The following HIPK2 variants were observed in gnomAD, a reference collection of about 807,000 sequenced individuals.
HIPK2 encodes homeodomain-interacting protein kinase 2.
Under a neutral mutation model 113.7 loss-of-function variants are expected in HIPK2, and 27 were observed. The observed-to-expected ratio is 0.24, with a 90% CI of 0.17 to 0.33. The LOEUF is 0.33. Among genes scored for constraint, HIPK2 ranks in the 10% least tolerant of loss-of-function variants. HIPK2 has a pLI of 1.00. For missense variants in HIPK2, 1,257 were observed against 1,588.0 expected (o/e 0.79, Z 3.54); for synonymous variants, 631 against 642.2 (o/e 0.98, Z 0.26).
chr7:139,574,347 G>A (rs1260172820), intron 14 of HIPK2, among the ~76,000 whole-genome samples: 1 of 152,082 alleles, frequency 6.6e-6, no homozygotes, highest in African/African-American at 2.4e-5. Context: ...CTGCACTTGA[G>A]CCTGGGTGAC....
chr7:139,709,114 T>C (rs561362897), intron 2 of HIPK2, among the ~76,000 whole-genome samples: 65 of 152,280 alleles, frequency 4.3e-4, no homozygotes, highest in African/African-American at 1.2e-3. Context: ...ACAGCCTACA[T>C]AACTTATTGA....
At chr7:139,587,470 C>A (rs935279333) in intron 12 of HIPK2, among the ~76,000 whole-genome samples, 2 of 115,582 alleles carry the variant, frequency 1.7e-5, no homozygotes, top group Non-Finnish European at 3.2e-5. Context: ...GCCTGGGCGA[C>A]AGAGCAAGAC....
At chr7:139,696,435 T>G (rs1794569777) in intron 2 of HIPK2, among the ~76,000 whole-genome samples, 1 of 151,610 alleles carries the variant, frequency 6.6e-6, no homozygotes, top group African/African-American at 2.4e-5. Flanking sequence ...TTTTAAAAAC[T>G]AGAAAGGCAC....
At chr7:139,657,532 T>C (rs1246273855) in intron 2 of HIPK2, among the ~76,000 whole-genome samples, 1 of 152,226 alleles carries the variant, frequency 6.6e-6, no homozygotes, top group Non-Finnish European at 1.5e-5. Flanking sequence ...AAATGATTCT[T>C]GGCCATCATC....
chr7:139,616,826 C>T (rs946468176), intron 7 of HIPK2, among the ~76,000 whole-genome samples: 7 of 152,322 alleles, frequency 4.6e-5, no homozygotes, highest in Non-Finnish European at 7.4e-5. Context: ...TCCTTCCTCT[C>T]GATTCTGTAA....
intron 8 of HIPK2, 34 bp downstream of exon 8, chr7:139,614,252 A>C: frequency 7.2e-7 from 1 of 1,389,830 alleles, no homozygotes; most frequent in South Asian, 1.8e-5. Flanking sequence ...GTTCTGTAAG[A>C]AGCAGGTGAG....
intron 1 of HIPK2, among the ~76,000 whole-genome samples, chr7:139,728,443 T>C (rs557471037): frequency 7.9e-5 from 12 of 152,264 alleles, no homozygotes; most frequent in African/African-American, 2.9e-4. Flanking sequence ...GAAGGGTCTG[T>C]TCTAGGCCTC....
At chr7:139,588,113 T>C (rs1417656628) in intron 12 of HIPK2, among the ~76,000 whole-genome samples, 1 of 150,974 alleles carries the variant, frequency 6.6e-6, no homozygotes, top group Non-Finnish European at 1.5e-5. Context: ...AGGTCAGGAG[T>C]TCGACACCAG....
intron 1 of HIPK2, among the ~76,000 whole-genome samples, chr7:139,769,116 TG>T (rs1350092438): frequency 6.6e-6 from 1 of 152,212 alleles, no homozygotes; most frequent in African/African-American, 2.4e-5. Flanking sequence ...CCTAGATCAC[TG>T]CCATAAGGTG....
chr7:139,721,277 G>A (rs1178470295), intron 1 of HIPK2, among the ~76,000 whole-genome samples: 6 of 152,194 alleles, frequency 3.9e-5, no homozygotes, highest in Non-Finnish European at 8.8e-5. Context: ...TTAAATCCCT[G>A]AAATACCTTC....
intron 7 of HIPK2, among the ~76,000 whole-genome samples, chr7:139,617,617 T>C (rs1323513486): frequency 6.6e-6 from 1 of 152,218 alleles, no homozygotes; most frequent in Non-Finnish European, 1.5e-5. Flanking sequence ...TGTTACCAAC[T>C]GGGTAACCTG....
intron 2 of HIPK2, among the ~76,000 whole-genome samples, chr7:139,686,320 A>G (rs941556226): frequency 6.6e-6 from 1 of 152,234 alleles, no homozygotes; most frequent in African/African-American, 2.4e-5. Context: ...GAGCAAAAAA[A>G]GTAGTTTCTT....
At chr7:139,732,030 G>A (rs1040323580) in intron 1 of HIPK2, among the ~76,000 whole-genome samples, 10 of 151,868 alleles carry the variant, frequency 6.6e-5, no homozygotes, top group African/African-American at 2.4e-4. Context: ...GAGAGGAAAA[G>A]GAAAAAGAAA....
In HIPK2 at chr7:139,720,805, C is replaced by T. The variant is rs181955787; in HGVS notation, c.20-3790G>A. Among the ~76,000 whole-genome samples, 1,001 of 152,258 alleles carry T rather than the reference C, an allele frequency of 6.6e-3. 6 individuals are homozygous for T. The highest frequency in any genetic ancestry group is 0.017 in the Middle Eastern group (5 of 294). ...CCCGGAAGGGGGCGGTCAGAGAGAG[C>T]GACAGCAGAAATACGCTGTTCATAC... On this transcript the variant is annotated intron_variant, in intron 1 of 14. Coordinates refer to ENST00000406875, the MANE Select transcript of HIPK2 (RefSeq NM_022740.5).
Position 139,567,494 on chromosome 7 carries a change from G to C in HIPK2, c.*5433C>G, listed in dbSNP as rs1055509813. 1 of 152,084 alleles carries C rather than the reference G, an allele frequency of 6.6e-6. No homozygotes were observed. Among genetic ancestry groups the C allele is most frequent in the East Asian group, 1.9e-4 (1 of 5,198 alleles). 9.4% of individuals were successfully genotyped at this position (152,084 alleles called of 1,614,324 possible). A position where few individuals can be genotyped will look rare whatever the true frequency, so the allele number is the denominator to read the frequency against. ...TTGCCTGGAAAGGAACGAAGGGAAGGCCATTTTGTCCATTTCTGGAGGCGT... is the reference window on the plus strand; with the variant it reads ...TTGCCTGGAAAGGAACGAAGGGAAGCCCATTTTGTCCATTTCTGGAGGCGT... On this transcript the variant is annotated 3_prime_UTR_variant, in exon 15 of 15. Coordinates refer to ENST00000406875, the MANE Select transcript of HIPK2 (RefSeq NM_022740.5).
At chr7:139,650,796 G>A (rs1395334202) in intron 2 of HIPK2, among the ~76,000 whole-genome samples, 1 of 152,226 alleles carries the variant, frequency 6.6e-6, no homozygotes, top group Non-Finnish European at 1.5e-5. Flanking sequence ...ATGGAACCCA[G>A]GCCTCTGGCC....
At chr7:139,775,314 G>C (rs1392313672) in intron 1 of HIPK2, among the ~76,000 whole-genome samples, 2 of 152,134 alleles carry the variant, frequency 1.3e-5, no homozygotes, top group Non-Finnish European at 2.9e-5. Flanking sequence ...CAGAGTCTTG[G>C]CACACTCATC....
At chr7:139,742,794 G>C (rs1057022099) in intron 1 of HIPK2, among the ~76,000 whole-genome samples, 6 of 152,212 alleles carry the variant, frequency 3.9e-5, no homozygotes, top group Non-Finnish European at 7.3e-5. Flanking sequence ...TGCACATCTA[G>C]GGGTATCTTC....
At chr7:139,677,614 T>A in intron 2 of HIPK2, among the ~76,000 whole-genome samples, 1 of 152,332 alleles carries the variant, frequency 6.6e-6, no homozygotes, top group African/African-American at 2.4e-5. Flanking sequence ...CTGGGATACA[T>A]GTGCAGAACG....
Sources: gnomAD v4.1 joint callset for allele counts (sites outside exome capture counted in the v4.1 genomes callset) on GRCh38, gnomAD v4.1.1 for gene constraint, MANE v1.5 for transcripts, NCBI Gene and HGNC (gene_info 2026-07-23, HGNC 2026-07-21) for gene names.